KATNIP: variants seen among roughly 807,000 people sequenced by gnomAD.
The protein encoded by KATNIP is katanin-interacting protein.
In KATNIP, 126 loss-of-function variants were observed where a neutral mutation model predicts 174.0. The observed-to-expected ratio is 0.72, with a 90% CI of 0.63 to 0.84. The LOEUF (loss-of-function observed/expected upper bound fraction) is 0.84, where lower values mean the gene tolerates loss of function less well. Ranked by LOEUF, KATNIP falls within the 40% of genes least tolerant of loss-of-function variation. The pLI is 0.00. For synonymous variants in KATNIP, 810 were observed against 835.7 expected (o/e 0.97, Z 0.53); for missense variants, 1,958 against 2,109.7 (o/e 0.93, Z 1.41).
At chr16:27,666,364 T>G (rs2077681908) in intron 6 of KATNIP, among the ~76,000 whole-genome samples, 1 of 152,176 alleles carries the variant, frequency 6.6e-6, no homozygotes, top group Non-Finnish European at 1.5e-5. Flanking sequence ...TAGCCTTAGT[T>G]CTATCAAAAT....
intron 5 of KATNIP, among the ~76,000 whole-genome samples, chr16:27,639,590 C>G (rs1403835529): frequency 6.6e-6 from 1 of 152,196 alleles, no homozygotes; most frequent in Non-Finnish European, 1.5e-5. Flanking sequence ...GTCTCTAAAG[C>G]AAGTTCATTG....
intron 5 of KATNIP, among the ~76,000 whole-genome samples, chr16:27,642,893 C>A (rs2076845863): frequency 6.6e-6 from 1 of 151,766 alleles, no homozygotes; most frequent in East Asian, 1.9e-4. Context: ...GAGGTGTGAG[C>A]CACCACACCC....
intron 1 of KATNIP, among the ~76,000 whole-genome samples, chr16:27,569,386 A>G (rs970933698): frequency 3.3e-5 from 5 of 152,274 alleles, no homozygotes; most frequent in African/African-American, 4.8e-5. Context: ...TACAAAATTC[A>G]ATGCAGTCAC....
intron 2 of KATNIP, among the ~76,000 whole-genome samples, chr16:27,610,708 T>C (rs78261199): frequency 0.022 from 3,333 of 152,226 alleles, 140 homozygotes; most frequent in African/African-American, 0.076. Flanking sequence ...TGATTACAGC[T>C]GTGAAAGGAA....
chr16:27,590,218 A>G (rs1181287944), intron 2 of KATNIP, among the ~76,000 whole-genome samples: 1 of 151,686 alleles, frequency 6.6e-6, no homozygotes, highest in Non-Finnish European at 1.5e-5. Flanking sequence ...TCCTCTATTT[A>G]TTAAATTAGT....
At chr16:27,656,882 A>G (rs1392700864) in intron 6 of KATNIP, among the ~76,000 whole-genome samples, 8 of 151,204 alleles carry the variant, frequency 5.3e-5, no homozygotes, top group African/African-American at 1.9e-4. Flanking sequence ...GCACATGTAT[A>G]CATATGTAAC....
chr16:27,633,464 AT>A (rs1030608295), intron 5 of KATNIP, among the ~76,000 whole-genome samples: 19 of 144,674 alleles, frequency 1.3e-4, no homozygotes, highest in Non-Finnish European at 1.7e-4. Context: ...TATATTTTTT[AT>A]TTTTTTTTTA....
intron 4 of KATNIP, among the ~76,000 whole-genome samples, chr16:27,629,163 G>C (rs1331376850): frequency 7.5e-6 from 1 of 133,012 alleles, no homozygotes; most frequent in Non-Finnish European, 1.5e-5. Context: ...GCGAGACTCT[G>C]TCAAAAAAAA....
At chr16:27,689,948 G>C (rs1365837462) in intron 8 of KATNIP, among the ~76,000 whole-genome samples, 1 of 152,128 alleles carries the variant, frequency 6.6e-6, no homozygotes, top group Non-Finnish European at 1.5e-5. Context: ...ACAAGCCCAT[G>C]CCTGGGTGCT....
intron 6 of KATNIP, among the ~76,000 whole-genome samples, chr16:27,677,055 G>A (rs539943255): frequency 2.0e-5 from 3 of 152,146 alleles, no homozygotes; most frequent in South Asian, 4.2e-4. Context: ...TCATGTCCTG[G>A]TCACTCTAAA....
At chr16:27,647,758 G>A (rs2077002360) in intron 5 of KATNIP, among the ~76,000 whole-genome samples, 1 of 152,098 alleles carries the variant, frequency 6.6e-6, no homozygotes, top group South Asian at 2.1e-4. Context: ...GCCCACCTCG[G>A]CCATCCAAAG....
chr16:27,747,365 A>G (rs1398875773), intron 15 of KATNIP, among the ~76,000 whole-genome samples: 1 of 151,920 alleles, frequency 6.6e-6, no homozygotes, highest in Non-Finnish European at 1.5e-5. Flanking sequence ...AGTCTTACGG[A>G]TGCAAAGGCC....
intron 8 of KATNIP, among the ~76,000 whole-genome samples, chr16:27,682,946 G>T (rs1051439135): frequency 2.0e-5 from 3 of 152,096 alleles, no homozygotes; most frequent in African/African-American, 4.8e-5. Context: ...GCACTGCCTC[G>T]AGACTCTGCA....
intron 1 of KATNIP, among the ~76,000 whole-genome samples, chr16:27,553,726 C>T (rs1428728883): frequency 6.6e-6 from 1 of 152,064 alleles, no homozygotes; most frequent in East Asian, 1.9e-4. Flanking sequence ...GTTCTAGCTG[C>T]TAAGGAGACT....
chr16:27,647,792 A>G (rs1226911293), intron 5 of KATNIP, among the ~76,000 whole-genome samples: 2 of 152,146 alleles, frequency 1.3e-5, no homozygotes, highest in Non-Finnish European at 1.5e-5. Flanking sequence ...GGTGTGAGGC[A>G]CCATGCCCCG....
intron 6 of KATNIP, among the ~76,000 whole-genome samples, chr16:27,658,451 T>A (rs1266427137): frequency 1.3e-5 from 2 of 152,210 alleles, no homozygotes; most frequent in African/African-American, 4.8e-5. Flanking sequence ...TAAGTTACTT[T>A]GGACTTTTTG....
intron 5 of KATNIP, among the ~76,000 whole-genome samples, chr16:27,640,470 C>T (rs2076759443): frequency 6.6e-6 from 1 of 152,150 alleles, no homozygotes; most frequent in Non-Finnish European, 1.5e-5. Context: ...CTTTCAATCT[C>T]CTCCCAGTGG....
intron 19 of KATNIP, among the ~76,000 whole-genome samples, chr16:27,764,965 A>T (rs2144091549): frequency 6.6e-6 from 1 of 152,236 alleles, no homozygotes; most frequent in Admixed American, 6.5e-5. Context: ...TTGGGTAAAC[A>T]CTTCGATTAT....
In KATNIP at chr16:27,612,228, GT is replaced by G. The variant is rs1288495768; in HGVS notation, c.64-6195del. On this transcript the variant is annotated intron_variant, in intron 2 of 27. Coordinates refer to ENST00000261588, the MANE Select transcript of KATNIP (RefSeq NM_015202.5). ...ACTTAACCCTGTGAGGGAAAGAAAA[GT>G]TCCACCAGACAACAGGTACAGGCAT... Among the ~76,000 whole-genome samples the G allele has an allele frequency of 2.7e-4, 41 of 152,306 alleles. No homozygotes were observed. In the East Asian group the frequency reaches 6.2e-3, roughly 23 times the overall value.
Sources: gnomAD v4.1 joint callset for allele counts (sites outside exome capture counted in the v4.1 genomes callset) on GRCh38, gnomAD v4.1.1 for gene constraint, MANE v1.5 for transcripts, NCBI Gene and HGNC (gene_info 2026-07-23, HGNC 2026-07-21) for gene names.